Variants in NKAIN4 observed in about 807,000 individuals in gnomAD.
The protein encoded by NKAIN4 is sodium/potassium transporting ATPase interacting 4.
A neutral mutation model predicts 28.8 loss-of-function variants in NKAIN4; 28 were observed. The ratio of observed to expected loss-of-function variants is 0.97; its 90% CI spans 0.72 to 1.33. The LOEUF (loss-of-function observed/expected upper bound fraction) is 1.33. Among genes scored for constraint, NKAIN4 ranks in the 40% most tolerant of loss-of-function variants. NKAIN4 has a pLI of 0.00. For synonymous variants in NKAIN4, 122 were observed against 115.6 expected, an observed-to-expected ratio of 1.06 and a Z score of -0.36; for missense variants, 289 against 277.2, an observed-to-expected ratio of 1.04 and a Z score of -0.30.
At position 63,252,429 on chromosome 20, in the gene NKAIN4, T is replaced by G. The variant is rs2066976915; in HGVS notation, c.54+1968A>C. ...GAAGAGATGCCTGGGCCCTTTGTCCTGTAGCTTGGTAACACAAAATTCTCA... is the reference window on the plus strand; with the variant it reads ...GAAGAGATGCCTGGGCCCTTTGTCCGGTAGCTTGGTAACACAAAATTCTCA... On this transcript the variant is annotated intron_variant, in intron 1 of 6. Coordinates refer to ENST00000370316, the MANE Select transcript of NKAIN4 (RefSeq NM_152864.4). This position sits in a 1 kb window ranked among gnomAD's most constrained non-coding sequence, Gnocchi z 4.6. Among the ~76,000 whole-genome samples the G allele has an allele frequency of 6.6e-6, 1 of 151,988 alleles. No individual in the cohort carries two copies. Among genetic ancestry groups the G allele is most frequent in the Admixed American group, 6.5e-5 (1 of 15,282 alleles).
At chr20:63,243,388 C>T (rs1568702246) in intron 5 of NKAIN4, among the ~76,000 whole-genome samples, 2 of 152,056 alleles carry the variant, frequency 1.3e-5, no homozygotes, top group South Asian at 4.1e-4. Context: ...GAACTGGATT[C>T]TGACCCCAGG....
chr20:63,245,582 C>T lies in NKAIN4; in HGVS notation c.472-1498G>A, dbSNP rs555945643. 7.3e-4 allele frequency among the ~76,000 whole-genome samples: 111 copies of T among 152,070 alleles called. No homozygotes were observed. The highest frequency in any genetic ancestry group is 3.4e-3 in the Middle Eastern group (1 of 294). On this transcript the variant is annotated intron_variant, in intron 4 of 6. Transcript: ENST00000370316. The surrounding 1 kb of genome is among the most constrained non-coding windows in gnomAD (Gnocchi z 4.7). ...CTCCCCTCTCCCTGCTGCATGGAGG[C>T]CTGGGATCTGCAGGCCCCGCACCCC... is the stretch of plus-strand genomic sequence containing the variant.
intron 4 of NKAIN4, chr20:63,246,889 C>T (rs993763248): frequency 9.1e-6 from 9 of 985,304 alleles, no homozygotes; most frequent in Admixed American, 6.1e-5. Context: ...GGTTGTTAGG[C>T]TCACAGAGGC....
In NKAIN4 at chr20:63,247,737, G is replaced by A; in HGVS notation, c.312C>T (p.Arg104=). The part of the protein sequence containing the change: ...ELLTFSLSRH[R]SWWRERWPGC... ...CTGGCCAGCGCTCACGCCACCAGGA[G>A]CGATGCCGGGAGAGGCTGAAGGTCA... Residue 104 remains arginine, a synonymous_variant, in exon 4 of 7, where the codon CGC becomes CGT. Coordinates refer to ENST00000370316, the MANE Select transcript of NKAIN4 (RefSeq NM_152864.4). 6.7e-7 allele frequency: 1 copy of A among 1,488,794 alleles called. No homozygotes were observed. The highest frequency in any genetic ancestry group is 9.0e-7 in the Non-Finnish European group (1 of 1,115,340). 92.2% of individuals were successfully genotyped at this position (1,488,794 alleles called of 1,614,324 possible). A position where few individuals can be genotyped will look rare whatever the true frequency, so the allele number is the denominator to read the frequency against.
chr20:63,251,354 C>T (rs1022265427), intron 1 of NKAIN4, among the ~76,000 whole-genome samples: 1 of 152,166 alleles, frequency 6.6e-6, no homozygotes, highest in African/African-American at 2.4e-5. Flanking sequence ...CGGATAACTG[C>T]GGGCGGGCCT....
In NKAIN4 at chr20:63,244,012, C is replaced by G; in HGVS notation, c.532+12G>C. 1 of 1,609,466 alleles carries G rather than the reference C, an allele frequency of 6.2e-7. No homozygotes were observed. ...TCTCCCGCCCCACTGCCTGCAGAGGCCCCATACTCACAGCTGTCCTCTTCC... is the reference window on the plus strand; with the variant it reads ...TCTCCCGCCCCACTGCCTGCAGAGGGCCCATACTCACAGCTGTCCTCTTCC... On this transcript the variant is annotated intron_variant, in intron 5 of 6. Transcript: ENST00000370316.
In NKAIN4 at chr20:63,242,634, T is replaced by A; in HGVS notation, c.533-11A>T. 1 of 1,601,718 alleles carries A rather than the reference T, an allele frequency of 6.2e-7. No individual in the cohort carries two copies. Among genetic ancestry groups the A allele is most frequent in the South Asian group, 1.1e-5 (1 of 90,810 alleles). On this transcript the variant is annotated splice_polypyrimidine_tract_variant and intron_variant, in intron 5 of 6. Coordinates refer to ENST00000370316, the MANE Select transcript of NKAIN4 (RefSeq NM_152864.4). ...CACCAATGAAATCAACTGAAAGAAATCAAGACCCAAATAAAACAAAACCTA... is the reference window on the plus strand; with the variant it reads ...CACCAATGAAATCAACTGAAAGAAAACAAGACCCAAATAAAACAAAACCTA...
intron 1 of NKAIN4, among the ~76,000 whole-genome samples, chr20:63,253,745 C>G (rs903231927): frequency 6.6e-6 from 1 of 152,180 alleles, no homozygotes; most frequent in Non-Finnish European, 1.5e-5. Context: ...GGAGCCCCGA[C>G]CAATCCCGAC....
chr20:63,247,792 G>A lies in NKAIN4; in HGVS notation c.274-17C>T. 7.0e-7 allele frequency: 1 copy of A among 1,434,218 alleles called. No homozygotes were observed. Among genetic ancestry groups the A allele is most frequent in the Non-Finnish European group, 9.2e-7 (1 of 1,090,028 alleles). 88.8% of individuals were successfully genotyped at this position (1,434,218 alleles called of 1,614,324 possible). A position where few individuals can be genotyped will look rare whatever the true frequency, so the allele number is the denominator to read the frequency against. On this transcript the variant is annotated splice_polypyrimidine_tract_variant and intron_variant, in intron 3 of 6. Transcript: ENST00000370316. ...CTCGCTGTCCTAGGGGAGAGGTGCA[G>A]GAGCAGGGCCGGTTAGCACCAGGAG... is the stretch of plus-strand genomic sequence containing the variant.
chr20:63,247,164 C>T, intron 4 of NKAIN4: 2 of 1,125,550 alleles, frequency 1.8e-6, no homozygotes, highest in South Asian at 4.3e-5. Context: ...CTGTCCACTT[C>T]CTGTGACCGG....
intron 5 of NKAIN4, among the ~76,000 whole-genome samples, chr20:63,243,454 G>A (rs529039787): frequency 5.3e-5 from 8 of 152,224 alleles, no homozygotes; most frequent in South Asian, 2.1e-4. Context: ...CCTGCTTGGC[G>A]TCTGCCCTTC....
intron 1 of NKAIN4, 45 bp from the exon 2 acceptor site, chr20:63,250,117 C>T: frequency 1.3e-6 from 2 of 1,520,098 alleles, no homozygotes; most frequent in Non-Finnish European, 1.8e-6. Context: ...CGAGGGAGGC[C>T]CCAGGCCCGC....
chr20:63,244,923 C>T (rs2066828728), intron 4 of NKAIN4, among the ~76,000 whole-genome samples: 2 of 152,244 alleles, frequency 1.3e-5, no homozygotes, highest in Non-Finnish European at 2.9e-5. Flanking sequence ...GGTTGCACCT[C>T]AGGCCAACCA....
rs780217772 is a variant in NKAIN4, at chr20:63,242,540, A to G, written c.616T>C (p.Leu206=). Reference sequence around the variant, plus strand: ...GCAGGTTCTGCCAGCCATACTTACAAGTACACCTGCTTGGACAAGAGACTG... The same window carrying G: ...GCAGGTTCTGCCAGCCATACTTACAGGTACACCTGCTTGGACAAGAGACTG... ...PSSLLSKQVY[L]PA Residue 206 remains leucine, a splice_region_variant and synonymous_variant, in exon 6 of 7, where the codon TTG becomes CTG. Coordinates refer to ENST00000370316, the MANE Select transcript of NKAIN4 (RefSeq NM_152864.4). 6.2e-7 allele frequency: 1 copy of G among 1,609,622 alleles called. No homozygotes were observed. The highest frequency in any genetic ancestry group is 8.5e-7 in the Non-Finnish European group (1 of 1,176,178).
At chr20:63,251,068 G>A (rs1355636304) in intron 1 of NKAIN4, among the ~76,000 whole-genome samples, 1 of 152,232 alleles carries the variant, frequency 6.6e-6, no homozygotes, top group African/African-American at 2.4e-5. Flanking sequence ...GCAGGGTAAG[G>A]AGTGTGAGTC....
intron 1 of NKAIN4, among the ~76,000 whole-genome samples, chr20:63,251,582 T>C (rs1261942359): frequency 6.6e-6 from 1 of 152,216 alleles, no homozygotes; most frequent in Non-Finnish European, 1.5e-5. Flanking sequence ...TGTCTGGGCG[T>C]GACAGAAGGC....
chr20:63,242,756 T>C (rs146400372), intron 5 of NKAIN4, 133 bp from the exon 6 acceptor site: 3,892 of 355,460 alleles, frequency 0.011, 43 homozygotes, highest in African/African-American at 0.034. Context: ...AGCCCTGACA[T>C]GACAGCAGAG....
In NKAIN4 at chr20:63,245,297, G is replaced by A. The variant is rs2066835930; in HGVS notation, c.472-1213C>T. Among the ~76,000 whole-genome samples, 1 of 152,178 alleles carries A rather than the reference G, an allele frequency of 6.6e-6. No individual in the cohort carries two copies. The highest frequency in any genetic ancestry group is 6.5e-5 in the Admixed American group (1 of 15,290). On this transcript the variant is annotated intron_variant, in intron 4 of 6. Transcript: ENST00000370316. The surrounding 1 kb of genome is among the most constrained non-coding windows in gnomAD (Gnocchi z 4.7). ...CCATGCCACGGCCAGGGTGGGAGCA[G>A]CGGTGAGGGTGGGCAACCTCCACGG...
At chr20:63,242,480 G>T in intron 6 of NKAIN4, 59 bp downstream of exon 6, 1 of 1,230,612 alleles carries the variant, frequency 8.1e-7, no homozygotes, top group Non-Finnish European at 1.2e-6. Context: ...GCAGCCTCTC[G>T]CTGTGAGGGC....
Sources: allele counts gnomAD v4.1 joint callset (sites outside exome capture counted in the v4.1 genomes callset), GRCh38; gene constraint gnomAD v4.1.1; non-coding constraint Gnocchi (gnomAD v3.1); transcripts MANE v1.5; gene names NCBI Gene and HGNC (gene_info 2026-07-23, HGNC 2026-07-21).